Variants in ADGRV1 observed in about 807,000 individuals in gnomAD.
The protein encoded by ADGRV1 is adhesion G protein-coupled receptor V1.
ADGRV1 carries 359 observed loss-of-function variants against 596.2 expected under a neutral mutation model. That is an observed-to-expected ratio of 0.60 (90% CI 0.55 to 0.66). The LOEUF is 0.66. ADGRV1 is among the 30% of genes least tolerant of loss of function. ADGRV1 has a pLI of 0.00. For missense variants in ADGRV1, 7,274 were observed against 7,575.6 expected (o/e 0.96, Z 1.48); for synonymous variants, 2,681 against 2,679.2 (o/e 1.00, Z -0.02).
chr5:91,025,109 G>C (rs1484989368), intron 85 of ADGRV1, among the ~76,000 whole-genome samples: 1 of 152,060 alleles, frequency 6.6e-6, no homozygotes, highest in African/African-American at 2.4e-5. Flanking sequence ...CAAAAGACCT[G>C]CCACATATTA....
intron 83 of ADGRV1, among the ~76,000 whole-genome samples, chr5:90,944,959 T>C (rs1465668330): frequency 6.6e-6 from 1 of 152,192 alleles, no homozygotes; most frequent in Non-Finnish European, 1.5e-5. Flanking sequence ...TTCCAAAATT[T>C]CTAAGCACTT....
rs1275886905 is a variant in ADGRV1 at position 90,644,875 on chromosome 5, T to C, written c.2898+6T>C. Reference sequence around the variant, plus strand: ...TTTACTCCCTTCCAGATGAGGTAAATATTGCATATAACTTTCTGCCTTACT... The same window carrying C: ...TTTACTCCCTTCCAGATGAGGTAAACATTGCATATAACTTTCTGCCTTACT... On this transcript the variant is annotated splice_donor_region_variant and intron_variant, in intron 15 of 89. Transcript: ENST00000405460. 3 of 1,564,200 alleles carry C rather than the reference T, an allele frequency of 1.9e-6. No homozygotes were observed. In the South Asian group the frequency reaches 3.7e-5, roughly 19 times the overall value.
At chr5:90,815,278 A>G (rs1481958263) in intron 74 of ADGRV1, among the ~76,000 whole-genome samples, 1 of 152,206 alleles carries the variant, frequency 6.6e-6, no homozygotes, top group Admixed American at 6.5e-5. Flanking sequence ...TAGGGCTTAC[A>G]TTCTGTGAGG....
intron 85 of ADGRV1, chr5:91,031,305 A>G: frequency 1.4e-6 from 2 of 1,456,886 alleles, no homozygotes; most frequent in East Asian, 2.3e-5. Flanking sequence ...CAAACATAGT[A>G]AAATGCTGCT....
chr5:91,050,081 A>G (rs1411330750), intron 85 of ADGRV1, among the ~76,000 whole-genome samples: 1 of 152,210 alleles, frequency 6.6e-6, no homozygotes, highest in Admixed American at 6.5e-5. Flanking sequence ...AACTATACCA[A>G]TCTGGGTACT....
chr5:90,638,932 C>T (rs1410807675), intron 11 of ADGRV1, among the ~76,000 whole-genome samples: 2 of 151,982 alleles, frequency 1.3e-5, no homozygotes, highest in African/African-American at 4.8e-5. Context: ...ATGTAAGCAA[C>T]AAATTATTGA....
At chr5:91,035,391 T>C (rs1465869203) in intron 85 of ADGRV1, among the ~76,000 whole-genome samples, 2 of 152,174 alleles carry the variant, frequency 1.3e-5, no homozygotes, top group East Asian at 1.9e-4. Context: ...AGAATTCTGT[T>C]TATAAGATTT....
intron 85 of ADGRV1, among the ~76,000 whole-genome samples, chr5:90,997,145 C>A (rs1213368977): frequency 2.6e-5 from 4 of 152,078 alleles, no homozygotes; most frequent in African/African-American, 9.7e-5. Flanking sequence ...AATGTGAGGA[C>A]ATGAGATTTG....
At chr5:90,765,844 C>T (rs1210101417) in intron 59 of ADGRV1, among the ~76,000 whole-genome samples, 6 of 151,534 alleles carry the variant, frequency 4.0e-5, no homozygotes, top group African/African-American at 1.5e-4. Context: ...ACTGGGACTA[C>T]AGGCATGTGC....
intron 86 of ADGRV1, among the ~76,000 whole-genome samples, chr5:91,089,989 A>G (rs1031366852): frequency 6.6e-6 from 1 of 152,208 alleles, no homozygotes; most frequent in African/African-American, 2.4e-5. Context: ...GCCAGTCTTC[A>G]GTCATTAGTT....
chr5:91,127,012 CG>C (rs1410822566), intron 87 of ADGRV1, among the ~76,000 whole-genome samples: 2 of 152,144 alleles, frequency 1.3e-5, no homozygotes, highest in Non-Finnish European at 2.9e-5. Context: ...TCCAGAATTA[CG>C]GTAACCAAAT....
At chr5:90,927,275 C>A (rs1372112079) in intron 83 of ADGRV1, among the ~76,000 whole-genome samples, 1 of 151,110 alleles carries the variant, frequency 6.6e-6, no homozygotes, top group Admixed American at 6.6e-5. Context: ...GTCTAAGTCT[C>A]TTTGTAGGTC....
At chr5:91,102,683 T>A (rs1791492576) in intron 87 of ADGRV1, among the ~76,000 whole-genome samples, 1 of 152,212 alleles carries the variant, frequency 6.6e-6, no homozygotes, top group Non-Finnish European at 1.5e-5. Flanking sequence ...CATATTTGGA[T>A]TGTGGCTGGG....
intron 85 of ADGRV1, among the ~76,000 whole-genome samples, chr5:91,018,913 G>C (rs568328265): frequency 6.6e-6 from 1 of 152,094 alleles, no homozygotes; most frequent in Admixed American, 6.6e-5. Flanking sequence ...TCTAGGTGTT[G>C]AGCCGGTGTT....
chr5:90,697,861 A>G lies in ADGRV1; in HGVS notation c.8155+715A>G, dbSNP rs1747400269. On this transcript the variant is annotated intron_variant, in intron 34 of 89. Coordinates refer to ENST00000405460, the MANE Select transcript of ADGRV1 (RefSeq NM_032119.4). ...ATTACATAGTTTATCTGGAATTAAA[A>G]AAATAATTTTACCTTGAATAGTTAA... Among the ~76,000 whole-genome samples, 3 of 152,188 alleles carry G rather than the reference A, an allele frequency of 2.0e-5. No homozygotes were observed. In the South Asian group the frequency reaches 6.2e-4, roughly 31 times the overall value.
chr5:90,576,775 A>G (rs899648049), intron 1 of ADGRV1, among the ~76,000 whole-genome samples: 2 of 152,116 alleles, frequency 1.3e-5, no homozygotes, highest in African/African-American at 4.8e-5. Context: ...CCTCTCCAGC[A>G]TCTGTTTCCT....
At chr5:90,927,273 C>A (rs1190527222) in intron 83 of ADGRV1, among the ~76,000 whole-genome samples, 1 of 151,016 alleles carries the variant, frequency 6.6e-6, no homozygotes, top group Admixed American at 6.6e-5. Context: ...GAGTCTAAGT[C>A]TCTTTGTAGG....
intron 83 of ADGRV1, among the ~76,000 whole-genome samples, chr5:90,933,019 CT>C (rs1347334180): frequency 1.3e-5 from 2 of 152,164 alleles, no homozygotes; most frequent in Non-Finnish European, 2.9e-5. Context: ...TAATCACTCT[CT>C]GAAGACTTTT....
chr5:90,707,909 G>T lies in ADGRV1; in HGVS notation c.8731-907G>T, dbSNP rs151057914. Among the ~76,000 whole-genome samples, 8 of 152,146 alleles carry T rather than the reference G, an allele frequency of 5.3e-5. No homozygotes were observed. In the South Asian group the frequency reaches 1.2e-3, roughly 24 times the overall value. ...GAGTGGTAGGGAGGAAGTATTGCGT[G>T]GGGGGTGGGGGACATTAAGAGTAGG... On this transcript the variant is annotated intron_variant, in intron 38 of 89. Coordinates refer to ENST00000405460, the MANE Select transcript of ADGRV1 (RefSeq NM_032119.4).
Sources: allele counts gnomAD v4.1 joint callset (sites outside exome capture counted in the v4.1 genomes callset), GRCh38; gene constraint gnomAD v4.1.1; transcripts MANE v1.5; gene names NCBI Gene and HGNC (gene_info 2026-07-23, HGNC 2026-07-21).